Variants in AUTS2 observed in about 807,000 individuals in gnomAD.
AUTS2 encodes the protein autism susceptibility gene 2 protein.
AUTS2 carries 17 observed loss-of-function variants against 112.4 expected under a neutral mutation model. The observed-to-expected ratio is 0.15, with a 90% CI of 0.10 to 0.23. The LOEUF (loss-of-function observed/expected upper bound fraction) is 0.23, where lower values mean the gene tolerates loss of function less well. Among genes scored for constraint, AUTS2 ranks in the 10% least tolerant of loss-of-function variants. The probability of loss-of-function intolerance (pLI) is 1.00; values close to 1 mark genes in which losing one functional copy is unlikely to be tolerated. For synonymous variants in AUTS2, 751 were observed against 702.7 expected, an observed-to-expected ratio of 1.07 and a Z score of -1.09; for missense variants, 1,510 against 1,701.6, an observed-to-expected ratio of 0.89 and a Z score of 1.98.
At chr7:69,949,967 G>A (rs1015335563) in intron 2 of AUTS2, among the ~76,000 whole-genome samples, 2 of 152,128 alleles carry the variant, frequency 1.3e-5, no homozygotes, top group African/African-American at 2.4e-5. Flanking sequence ...TGTACTTCAG[G>A]TACTTCAGGA....
intron 5 of AUTS2, among the ~76,000 whole-genome samples, chr7:70,603,756 A>C (rs1803592370): frequency 6.6e-6 from 1 of 152,222 alleles, no homozygotes; most frequent in Non-Finnish European, 1.5e-5. Context: ...ATTTTTAAGG[A>C]GATATTTTGC....
At chr7:70,135,527 A>G (rs1806508531) in intron 4 of AUTS2, among the ~76,000 whole-genome samples, 1 of 152,158 alleles carries the variant, frequency 6.6e-6, no homozygotes, top group Non-Finnish European at 1.5e-5. Context: ...AATGCTAATT[A>G]CTCTGGTTTT....
chr7:70,152,559 A>G (rs1240742416), intron 4 of AUTS2, among the ~76,000 whole-genome samples: 1 of 152,122 alleles, frequency 6.6e-6, no homozygotes. Context: ...AGAGAATGAG[A>G]TGATAATCCA....
chr7:70,420,693 G>A (rs1795181148), intron 4 of AUTS2, among the ~76,000 whole-genome samples: 1 of 152,160 alleles, frequency 6.6e-6, no homozygotes, highest in African/African-American at 2.4e-5. Context: ...GACAAAAAGA[G>A]TACATACTGT....
In AUTS2 at chr7:70,753,907, C is replaced by A. The variant is rs375086190; in HGVS notation, c.743-8963C>A. On this transcript the variant is annotated intron_variant, in intron 6 of 18. Coordinates refer to ENST00000342771, the MANE Select transcript of AUTS2 (RefSeq NM_015570.4). ...CGTGGTGGCTCACGCCTGTAATCCC[C>A]GCACTTTGGGAGGCCGAGGCGGGTG... 2.5e-3 allele frequency among the ~76,000 whole-genome samples: 374 copies of A among 151,676 alleles called. 5 individuals carry two copies. Among genetic ancestry groups the A allele is most frequent in the South Asian group, 7.5e-3 (36 of 4,794 alleles).
intron 1 of AUTS2, among the ~76,000 whole-genome samples, chr7:69,796,695 T>C (rs558863710): frequency 1.3e-5 from 2 of 152,278 alleles, no homozygotes; most frequent in East Asian, 1.9e-4. Context: ...ATTTGCAGGG[T>C]AGCTGAAAAG....
At chr7:70,142,229 C>T (rs1806906066) in intron 4 of AUTS2, among the ~76,000 whole-genome samples, 2 of 152,170 alleles carry the variant, frequency 1.3e-5, no homozygotes, top group Non-Finnish European at 2.9e-5. Flanking sequence ...TCCTCCTAAC[C>T]CCCATCTCTG....
Position 69,599,577 on chromosome 7 carries a change from C to T in AUTS2, c.-77C>T. ...AAGCCGTGAAGGGGGAGGGAGGGCT[C>T]GGTGTCAATTTTTTTTTGTGTGGCT... On this transcript the variant is annotated 5_prime_UTR_variant, in exon 1 of 19. Transcript: ENST00000342771. The surrounding 1 kb of genome is among the most constrained non-coding windows in gnomAD (Gnocchi z 7.0). 1 of 1,220,532 alleles carries T rather than the reference C, an allele frequency of 8.2e-7. No homozygotes were observed. Among genetic ancestry groups the T allele is most frequent in the Non-Finnish European group, 1.0e-6 (1 of 977,470 alleles). 75.6% of individuals were successfully genotyped at this position (1,220,532 alleles called of 1,614,324 possible).
At chr7:70,444,373 T>TGAGAGAGA (rs1554402014) in intron 5 of AUTS2, among the ~76,000 whole-genome samples, 45 of 142,434 alleles carry the variant, frequency 3.2e-4, no homozygotes, top group Non-Finnish European at 4.3e-4. Context: ...TGTGTGTGTG[T>TGAGAGAGA]GAGAGAGAGA....
chr7:70,542,757 CAG>C (rs1800604662), intron 5 of AUTS2, among the ~76,000 whole-genome samples: 1 of 152,190 alleles, frequency 6.6e-6, no homozygotes, highest in Non-Finnish European at 1.5e-5. Flanking sequence ...CAGAGGCACA[CAG>C]TTATACTGAG....
At chr7:69,609,324 T>C (rs928207638) in intron 1 of AUTS2, among the ~76,000 whole-genome samples, 2 of 152,232 alleles carry the variant, frequency 1.3e-5, no homozygotes, top group African/African-American at 4.8e-5. Flanking sequence ...AGAAATGTTC[T>C]GATTTACACA....
At chr7:70,347,157 C>A (rs961304218) in intron 4 of AUTS2, among the ~76,000 whole-genome samples, 3 of 152,138 alleles carry the variant, frequency 2.0e-5, no homozygotes, top group Non-Finnish European at 4.4e-5. Flanking sequence ...TTCCTCTATC[C>A]CCTGCAATCA....
At chr7:69,775,767 T>G (rs1788866712) in intron 1 of AUTS2, among the ~76,000 whole-genome samples, 1 of 152,202 alleles carries the variant, frequency 6.6e-6, no homozygotes, top group Non-Finnish European at 1.5e-5. Context: ...AGCATTTCTG[T>G]CAGTGCTAGA....
intron 4 of AUTS2, among the ~76,000 whole-genome samples, chr7:70,335,825 C>T (rs1790963824): frequency 6.6e-6 from 1 of 152,148 alleles, no homozygotes; most frequent in Admixed American, 6.5e-5. Context: ...TCCTTATCAC[C>T]ATCATCAAGC....
At chr7:69,774,467 A>G (rs1345234567) in intron 1 of AUTS2, among the ~76,000 whole-genome samples, 1 of 152,254 alleles carries the variant, frequency 6.6e-6, no homozygotes. Flanking sequence ...CAGGAAGATC[A>G]CCGCATGAAT....
chr7:70,048,448 C>T (rs1051715955), intron 2 of AUTS2, among the ~76,000 whole-genome samples: 4 of 152,218 alleles, frequency 2.6e-5, no homozygotes, highest in Non-Finnish European at 5.9e-5. Context: ...ACTTATATCT[C>T]ACTTAGAGTA....
At chr7:69,697,943 A>G (rs1018435986) in intron 1 of AUTS2, among the ~76,000 whole-genome samples, 2 of 152,202 alleles carry the variant, frequency 1.3e-5, no homozygotes, top group Non-Finnish European at 2.9e-5. Flanking sequence ...GGCAGTTTAT[A>G]GTGGAGCCTT....
At position 70,395,263 on chromosome 7, in the gene AUTS2, G is replaced by GT. The variant is rs563935163; in HGVS notation, c.661-40488dup. Among the ~76,000 whole-genome samples, 363 of 152,072 alleles carry GT rather than the reference G, an allele frequency of 2.4e-3. 1 individual carries two copies. Among genetic ancestry groups the GT allele is most frequent in the Non-Finnish European group, 4.1e-3 (282 of 67,974 alleles). On this transcript the variant is annotated intron_variant, in intron 4 of 18. Coordinates refer to ENST00000342771, the MANE Select transcript of AUTS2 (RefSeq NM_015570.4). The stretch of plus-strand genomic sequence containing the variant: ...AATCATAAAAGCTACTATTAGCCAG[G>GT]TGTTGTGGCTCACACCTGTAATCCC...
chr7:70,455,345 A>G (rs999393404), intron 5 of AUTS2, among the ~76,000 whole-genome samples: 1 of 152,080 alleles, frequency 6.6e-6, no homozygotes, highest in African/African-American at 2.4e-5. Flanking sequence ...CTTGGGTGCT[A>G]CAGGTGGCAA....
Sources: allele counts gnomAD v4.1 joint callset (sites outside exome capture counted in the v4.1 genomes callset), GRCh38; gene constraint gnomAD v4.1.1; non-coding constraint Gnocchi (gnomAD v3.1); transcripts MANE v1.5; gene names NCBI Gene and HGNC (gene_info 2026-07-23, HGNC 2026-07-21).